PLPP7: variants seen among roughly 807,000 people sequenced by gnomAD.
PLPP7 encodes phospholipid phosphatase 7 (inactive).
In PLPP7, 11 loss-of-function variants were observed where a neutral mutation model predicts 16.9. The observed-to-expected ratio is 0.65, with a 90% CI of 0.41 to 1.08. PLPP7 has a LOEUF of 1.08. PLPP7 is among the 50% of genes least tolerant of loss of function. The pLI is 0.00. For missense variants in PLPP7, 358 were observed against 397.1 expected, an observed-to-expected ratio of 0.90 and a Z score of 0.84; for synonymous variants, 174 against 175.1, an observed-to-expected ratio of 0.99 and a Z score of 0.05.
chr9:131,299,703 A>G (rs1835774883), intron 1 of PLPP7, among the ~76,000 whole-genome samples: 1 of 152,156 alleles, frequency 6.6e-6, no homozygotes, highest in Admixed American at 6.5e-5. Flanking sequence ...CCTGTGATAG[A>G]GTAACGCTCT....
At chr9:131,291,050 G>C in intron 1 of PLPP7, 1 of 1,365,750 alleles carries the variant, frequency 7.3e-7, no homozygotes, top group Non-Finnish European at 9.8e-7. Context: ...CTGGAGAAGG[G>C]TTCGGGGGGC....
Position 131,308,238 on chromosome 9 carries a change from T to C in PLPP7, c.767T>C (p.Leu256Pro). Residue 256 changes from leucine to proline, a missense_variant, in exon 2 of 2, where the codon CTG becomes CCG. Leu to Pro is a moderately conservative substitution (Grantham distance 98). Coordinates refer to ENST00000372264, the MANE Select transcript of PLPP7 (RefSeq NM_032728.4). ...TACCTCCAGTTCCGTCTGGTGGAGC[T>C]GGTCTGGATGCCCTCCAGCACCTGC... ...IGYLQFRLVE[L>P]VWMPSSTCQM... 3 of 1,599,138 alleles carry C rather than the reference T, an allele frequency of 1.9e-6. No individual in the cohort carries two copies. The highest frequency in any genetic ancestry group is 2.5e-6 in the Non-Finnish European group (3 of 1,179,728).
chr9:131,299,859 C>T (rs992856954), intron 1 of PLPP7, among the ~76,000 whole-genome samples: 2 of 152,324 alleles, frequency 1.3e-5, no homozygotes, highest in Admixed American at 1.3e-4. Flanking sequence ...ATGAACCAGG[C>T]ACAGGCTAGG....
chr9:131,304,456 G>A (rs1471760017), intron 1 of PLPP7, among the ~76,000 whole-genome samples: 5 of 152,164 alleles, frequency 3.3e-5, no homozygotes, highest in East Asian at 1.9e-4. Context: ...CCAACATGGC[G>A]AAACCCCGTC....
Position 131,290,001 on chromosome 9 carries a change from C to A in PLPP7, c.4C>A (p.Pro2Thr). M[P>T]ASQSRARARD... ...TCTCGGGGTGAGCGAGGTCACCATGCCAGCTTCCCAGAGCCGGGCCCGTGC... is the reference window on the plus strand; with the variant it reads ...TCTCGGGGTGAGCGAGGTCACCATGACAGCTTCCCAGAGCCGGGCCCGTGC... Residue 2 changes from proline to threonine, a missense_variant, in exon 1 of 2, where the codon CCA becomes ACA. Transcript: ENST00000372264. The surrounding 1 kb of genome is among the most constrained non-coding windows in gnomAD (Gnocchi z 4.2). 1 of 1,433,596 alleles carries A rather than the reference C, an allele frequency of 7.0e-7. No individual in the cohort carries two copies. Among genetic ancestry groups the A allele is most frequent in the South Asian group, 1.6e-5 (1 of 63,032 alleles). The allele number at this position is 1,433,596 out of a possible 1,614,324, so 88.8% of individuals were successfully genotyped here. A position where few individuals can be genotyped will look rare whatever the true frequency, so the allele number is the denominator to read the frequency against.
rs12377349 is a variant in PLPP7 at position 131,301,877 on chromosome 9, C to T, written c.452-6046C>T. Among the ~76,000 whole-genome samples the T allele has an allele frequency of 2.2e-3, 321 of 144,880 alleles. 1 individual carries two copies. Among genetic ancestry groups the T allele is most frequent in the Non-Finnish European group, 3.8e-3 (256 of 67,030 alleles). Reference sequence around the variant, plus strand: ...TGTCGCCCAGGCTGGAGTGCAGTGGCGCAATCTTGGCTCACTGCAACCTCC... The same window carrying T: ...TGTCGCCCAGGCTGGAGTGCAGTGGTGCAATCTTGGCTCACTGCAACCTCC... On this transcript the variant is annotated intron_variant, in intron 1 of 1. Coordinates refer to ENST00000372264, the MANE Select transcript of PLPP7 (RefSeq NM_032728.4).
intron 1 of PLPP7, chr9:131,291,218 C>T (rs1205371790): frequency 7.4e-7 from 1 of 1,353,102 alleles, no homozygotes; most frequent in Admixed American, 1.9e-5. Context: ...CTTCGGGCAC[C>T]ACCAGGTCCC....
rs1230338822 is a variant in PLPP7, at chr9:131,295,652, G to GTCCCC, written c.451+5204_451+5205insTCCCC. Among the ~76,000 whole-genome samples the GTCCCC allele has an allele frequency of 4.6e-5, 7 of 151,918 alleles. No homozygotes were observed. In the South Asian group the frequency reaches 1.5e-3, roughly 32 times the overall value. On this transcript the variant is annotated intron_variant, in intron 1 of 1. Transcript: ENST00000372264. This position sits in a 1 kb window ranked among gnomAD's most constrained non-coding sequence, Gnocchi z 4.0. ...AGAAGCTCTGTCCCCATTAAGCACT[G>GTCCCC]ACTCCCCACTCCCCTTCCCCCAGCC...
At chr9:131,293,004 T>C in intron 1 of PLPP7, 2 of 971,642 alleles carry the variant, frequency 2.1e-6, no homozygotes, top group Non-Finnish European at 2.4e-6. Flanking sequence ...TGTATTGAGC[T>C]TTATTATGTA....
Position 131,308,455 on chromosome 9 carries a change from C to T in PLPP7, c.*168C>T, listed in dbSNP as rs1296147238. The T allele has an allele frequency of 8.9e-7, 1 of 1,129,148 alleles. No individual in the cohort carries two copies. The highest frequency in any genetic ancestry group is 1.6e-5 in the African/African-American group (1 of 63,632). 69.9% of individuals were successfully genotyped at this position (1,129,148 alleles called of 1,614,324 possible). A position where few individuals can be genotyped will look rare whatever the true frequency, so the allele number is the denominator to read the frequency against. On this transcript the variant is annotated 3_prime_UTR_variant, in exon 2 of 2. Coordinates refer to ENST00000372264, the MANE Select transcript of PLPP7 (RefSeq NM_032728.4). ...GGAGGCTGGCGAACCCAGGCCACCC[C>T]TCCCGGAGACAAGCGTGTTTGGCAG...
In PLPP7 at chr9:131,308,579, A is replaced by G. The variant is rs1011195169; in HGVS notation, c.*292A>G. 4.6e-6 allele frequency: 2 copies of G among 431,492 alleles called. No homozygotes were observed. The highest frequency in any genetic ancestry group is 8.4e-6 in the Non-Finnish European group (2 of 237,834). 26.7% of individuals were successfully genotyped at this position (431,492 alleles called of 1,614,324 possible). On this transcript the variant is annotated 3_prime_UTR_variant, in exon 2 of 2. Transcript: ENST00000372264. ...GCCCTATTTAGCTTCTGCTCTGGGA[A>G]CAGCAAAAATCAGGATGGTGGGAGG... is the stretch of plus-strand genomic sequence containing the variant.
chr9:131,302,053 A>T (rs896394150), intron 1 of PLPP7, among the ~76,000 whole-genome samples: 1 of 152,046 alleles, frequency 6.6e-6, no homozygotes, highest in Non-Finnish European at 1.5e-5. Flanking sequence ...TCCTGACCTC[A>T]GGCGCTCCGT....
chr9:131,293,035 G>A (rs1237933643), intron 1 of PLPP7: 54 of 882,420 alleles, frequency 6.1e-5, no homozygotes, highest in Non-Finnish European at 6.8e-5. Context: ...TGGCATGAAC[G>A]GCCTGTATTT....
At chr9:131,297,138 C>A (rs1047914627) in intron 1 of PLPP7, among the ~76,000 whole-genome samples, 1 of 152,250 alleles carries the variant, frequency 6.6e-6, no homozygotes, top group Admixed American at 6.5e-5. Flanking sequence ...AATACACTGC[C>A]CTGGCAGCTG....
chr9:131,303,807 C>A (rs918219731), intron 1 of PLPP7, among the ~76,000 whole-genome samples: 1 of 152,092 alleles, frequency 6.6e-6, no homozygotes, highest in Non-Finnish European at 1.5e-5. Flanking sequence ...GGTGGGTGTC[C>A]CTGAGCTTCG....
At chr9:131,301,903 G>A (rs1352425881) in intron 1 of PLPP7, among the ~76,000 whole-genome samples, 3 of 145,430 alleles carry the variant, frequency 2.1e-5, no homozygotes, top group African/African-American at 7.7e-5. Flanking sequence ...TGCAACCTCC[G>A]CCTCCCGGGT....
Position 131,290,300 on chromosome 9 carries a change from C to T in PLPP7, c.303C>T (p.Gly101=), listed in dbSNP as rs745485461. 1.9e-6 allele frequency: 3 copies of T among 1,611,970 alleles called. No homozygotes were observed. In the African/African-American group the frequency reaches 4.0e-5, roughly 22 times the overall value. Residue 101 remains glycine (G), a synonymous_variant, in exon 1 of 2, where the codon GGC becomes GGT. Transcript: ENST00000372264. This position sits in a 1 kb window ranked among gnomAD's most constrained non-coding sequence, Gnocchi z 4.2. The stretch of plus-strand genomic sequence containing the variant: ...CCAAGCGGCTGGGGGTGTGCGCTGG[C>T]CGGGCGGCGTCCTGGGCCAGTGCCC... ...CMSKRLGVCA[G]RAASWASARS...
At chr9:131,298,301 C>A (rs1208192925) in intron 1 of PLPP7, among the ~76,000 whole-genome samples, 1 of 152,154 alleles carries the variant, frequency 6.6e-6, no homozygotes, top group East Asian at 1.9e-4. Context: ...GGCTCCCAAC[C>A]TTCCGGAAGC....
chr9:131,308,398 G>A lies in PLPP7; in HGVS notation c.*111G>A, dbSNP rs915004884. 55 of 1,426,526 alleles carry A rather than the reference G, an allele frequency of 3.9e-5. No individual in the cohort carries two copies. Among genetic ancestry groups the A allele is most frequent in the Non-Finnish European group, 4.6e-5 (50 of 1,088,238 alleles). The allele number at this position is 1,426,526 out of a possible 1,614,324, so 88.4% of individuals were successfully genotyped here. On this transcript the variant is annotated 3_prime_UTR_variant, in exon 2 of 2. Coordinates refer to ENST00000372264, the MANE Select transcript of PLPP7 (RefSeq NM_032728.4). Reference sequence around the variant, plus strand: ...GAACAGAGCGGCCAGGAGTCAGAGCGGCCACCCCCACCTCATCTTCCCCTC... The same window carrying A: ...GAACAGAGCGGCCAGGAGTCAGAGCAGCCACCCCCACCTCATCTTCCCCTC...
Sources: gnomAD v4.1 joint callset for allele counts (sites outside exome capture counted in the v4.1 genomes callset) on GRCh38, gnomAD v4.1.1 for gene constraint, Gnocchi (gnomAD v3.1) non-coding constraint, MANE v1.5 for transcripts, NCBI Gene and HGNC (gene_info 2026-07-23, HGNC 2026-07-21) for gene names.